Variants in SDK1 observed in about 807,000 individuals in gnomAD.
The protein encoded by SDK1 is sidekick cell adhesion molecule 1, also known as protein sidekick-1.
A neutral mutation model predicts 245.5 loss-of-function variants in SDK1; 157 were observed. The ratio of observed to expected loss-of-function variants is 0.64; its 90% CI spans 0.56 to 0.73. The LOEUF is 0.73. Ranked by LOEUF, SDK1 falls within the 30% of genes least tolerant of loss-of-function variation. The pLI, the probability that SDK1 is intolerant of heterozygous loss-of-function variation, is 0.00. For synonymous variants in SDK1, 1,647 were observed against 1,278.5 expected, an observed-to-expected ratio of 1.29 and a Z score of -6.15; for missense variants, 3,583 against 3,002.3, an observed-to-expected ratio of 1.19 and a Z score of -4.52.
chr7:3,797,531 A>G (rs1200445958), intron 4 of SDK1, among the ~76,000 whole-genome samples: 2 of 151,698 alleles, frequency 1.3e-5, no homozygotes, highest in Non-Finnish European at 2.9e-5. Context: ...ATTAGATCAT[A>G]TTTTATATGC....
chr7:3,821,972 C>G (rs1583449872), intron 5 of SDK1, among the ~76,000 whole-genome samples: 1 of 152,120 alleles, frequency 6.6e-6, no homozygotes, highest in African/African-American at 2.4e-5. Flanking sequence ...ACAGGAAAAT[C>G]TTTGAGAAAT....
chr7:3,820,618 A>G (rs544602176), intron 4 of SDK1, among the ~76,000 whole-genome samples: 4 of 152,246 alleles, frequency 2.6e-5, no homozygotes, highest in Non-Finnish European at 5.9e-5. Flanking sequence ...ATTAAGTAGT[A>G]TAATGAGAGT....
chr7:3,868,904 A>T (rs1780887490), intron 5 of SDK1, among the ~76,000 whole-genome samples: 1 of 152,172 alleles, frequency 6.6e-6, no homozygotes, highest in Non-Finnish European at 1.5e-5. Flanking sequence ...TGAATAAATG[A>T]TGTGTACAGT....
chr7:3,667,677 T>C (rs1783575926), intron 4 of SDK1, among the ~76,000 whole-genome samples: 2 of 152,274 alleles, frequency 1.3e-5, no homozygotes, highest in Non-Finnish European at 2.9e-5. Flanking sequence ...TTCTAAAATA[T>C]CTTATGAATG....
intron 5 of SDK1, among the ~76,000 whole-genome samples, chr7:3,920,071 G>A (rs575294994): frequency 5.9e-5 from 9 of 152,260 alleles, no homozygotes; most frequent in Non-Finnish European, 1.2e-4. Context: ...ACAGACAGAC[G>A]AAGCCACGTG....
In SDK1 at chr7:3,889,513, C is replaced by CT. The variant is rs1042658736; in HGVS notation, c.848-61399dup. On this transcript the variant is annotated intron_variant, in intron 5 of 44. Transcript: ENST00000404826. ...CCAGTGGCATTCTGGCTAGATGATT[C>CT]TTTTTTTTTTTAGGGATGGTGTCTT... 5.6e-4 allele frequency among the ~76,000 whole-genome samples: 82 copies of CT among 146,454 alleles called. 1 individual carries two copies. Among genetic ancestry groups the CT allele is most frequent in the Middle Eastern group, 3.5e-3 (1 of 284 alleles).
At position 3,950,984 on chromosome 7, in the gene SDK1, TGTG is replaced by T. The variant is rs1162829790; in HGVS notation, c.914_916del (p.Val305del). ...TTGTGGTTCCCCCGGGCAACAGAAG[TGTG>T]GTGGCTGGATCCAGTGAGACCACCT... On this transcript the variant is annotated inframe_deletion, in exon 6 of 45. Transcript: ENST00000404826. 4.3e-6 allele frequency: 7 copies of T among 1,613,746 alleles called. No homozygotes were observed. The African/African-American group carries it at 8.0e-5, about 18-fold the overall frequency.
Position 3,408,903 on chromosome 7 carries a change from G to T in SDK1, c.298+107019G>T, listed in dbSNP as rs11975595. 6.1e-3 allele frequency among the ~76,000 whole-genome samples: 925 copies of T among 152,148 alleles called. 5 individuals carry two copies. The highest frequency in any genetic ancestry group is 0.024 in the Middle Eastern group (7 of 294). On this transcript the variant is annotated intron_variant, in intron 1 of 44. Coordinates refer to ENST00000404826, the MANE Select transcript of SDK1 (RefSeq NM_152744.4). ...GTATTTATTTAGCATTTGCAGTTTC[G>T]AAATAATTAAACAATGCTGATGTAC...
intron 4 of SDK1, among the ~76,000 whole-genome samples, chr7:3,712,616 A>C (rs1785080525): frequency 6.6e-6 from 1 of 152,090 alleles, no homozygotes; most frequent in Non-Finnish European, 1.5e-5. Context: ...CATTATAACG[A>C]TATTGTCATG....
intron 4 of SDK1, among the ~76,000 whole-genome samples, chr7:3,782,342 C>T (rs567556324): frequency 1.3e-5 from 2 of 152,180 alleles, no homozygotes; most frequent in Admixed American, 6.5e-5. Flanking sequence ...GCAAGCCACT[C>T]ATGAGGGATC....
intron 4 of SDK1, among the ~76,000 whole-genome samples, chr7:3,746,940 T>C (rs1246600956): frequency 1.3e-5 from 2 of 152,218 alleles, no homozygotes; most frequent in Non-Finnish European, 2.9e-5. Context: ...TTGATTGACT[T>C]TTCCAAGACC....
chr7:3,476,031 A>G (rs1401861039), intron 1 of SDK1: 1 of 152,678 alleles, frequency 6.5e-6, no homozygotes, highest in Non-Finnish European at 1.5e-5. Context: ...TTCATCATCA[A>G]AAAGTCTGTA....
At chr7:3,324,711 G>A (rs1257650488) in intron 1 of SDK1, among the ~76,000 whole-genome samples, 1 of 152,176 alleles carries the variant, frequency 6.6e-6, no homozygotes, top group African/African-American at 2.4e-5. Flanking sequence ...CTGTTCTTTA[G>A]AAAAGTCATC....
chr7:3,613,218 G>T (rs1033803393), intron 1 of SDK1, among the ~76,000 whole-genome samples: 1 of 152,214 alleles, frequency 6.6e-6, no homozygotes, highest in Admixed American at 6.5e-5. Context: ...TAGGGAAGCC[G>T]GGGGACGCAG....
intron 3 of SDK1, 32 bp downstream of exon 3, chr7:3,639,142 T>C: frequency 7.7e-7 from 1 of 1,307,058 alleles, no homozygotes; most frequent in Non-Finnish European, 1.1e-6. Context: ...GTCCAAATGT[T>C]AAAGAACAAA....
chr7:3,741,890 T>C (rs1779484630), intron 4 of SDK1, among the ~76,000 whole-genome samples: 1 of 151,622 alleles, frequency 6.6e-6, no homozygotes, highest in African/African-American at 2.4e-5. Context: ...ATATGTGCAC[T>C]TAGAGAATCA....
At position 3,951,806 on chromosome 7, in the gene SDK1, C is replaced by T. The variant is rs150421273; in HGVS notation, c.1036C>T (p.Arg346Cys). ...CAGTGGCCTCCACAGCTTTGGAAGA[C>T]GCCTCACCATCAGCAACCCGACGTC... The part of the protein sequence containing the change: ...ITSGLHSFGR[R>C]LTISNPTSAD... The change falls in exon 7 of 45, where the codon CGC becomes TGC. Residue 346 changes from arginine to cysteine, a missense_variant. Physicochemically the swap from Arg to Cys is radical, Grantham distance 180. Transcript: ENST00000404826. 5.3e-5 allele frequency: 85 copies of T among 1,613,774 alleles called. No individual in the cohort carries two copies. The highest frequency in any genetic ancestry group is 1.6e-4 in the Middle Eastern group (1 of 6,084).
intron 1 of SDK1, among the ~76,000 whole-genome samples, chr7:3,502,142 A>G (rs1361721041): frequency 6.6e-6 from 1 of 152,126 alleles, no homozygotes; most frequent in Non-Finnish European, 1.5e-5. Flanking sequence ...ATTCAGGTGT[A>G]CACAAGGATT....
intron 1 of SDK1, among the ~76,000 whole-genome samples, chr7:3,618,000 A>G (rs1412447877): frequency 6.6e-6 from 1 of 152,182 alleles, no homozygotes; most frequent in Non-Finnish European, 1.5e-5. Flanking sequence ...CTGATTATGC[A>G]GGTGGATCTT....
Sources: gnomAD v4.1 joint callset for allele counts (sites outside exome capture counted in the v4.1 genomes callset) on GRCh38, gnomAD v4.1.1 for gene constraint, MANE v1.5 for transcripts, NCBI Gene and HGNC (gene_info 2026-07-23, HGNC 2026-07-21) for gene names.